The following CLGN variants were observed in gnomAD, a reference collection of about 807,000 sequenced individuals.
CLGN encodes the protein calmegin.
Under a neutral mutation model 79.1 loss-of-function variants are expected in CLGN, and 62 were observed. The observed-to-expected ratio is 0.78, with a 90% CI of 0.64 to 0.97. The LOEUF is 0.97. CLGN is among the 50% of genes least tolerant of loss of function. The pLI, the probability that CLGN is intolerant of heterozygous loss-of-function variation, is 0.00. For synonymous variants in CLGN, 225 were observed against 224.7 expected, an observed-to-expected ratio of 1.00 and a Z score of -0.01; for missense variants, 647 against 715.5, an observed-to-expected ratio of 0.90 and a Z score of 1.09.
chr4:140,420,340 C>T (rs1428084800), intron 1 of CLGN, among the ~76,000 whole-genome samples: 2 of 152,072 alleles, frequency 1.3e-5, no homozygotes, highest in African/African-American at 4.8e-5. Context: ...TCAGAAAACA[C>T]TTTATCTTGA....
At chr4:140,402,968 TGAA>T (rs912266023) in intron 5 of CLGN, among the ~76,000 whole-genome samples, 3 of 152,180 alleles carry the variant, frequency 2.0e-5, no homozygotes, top group African/African-American at 7.2e-5. Context: ...TAAATGTTTC[TGAA>T]GAAATTTAGT....
chr4:140,402,303 A>C (rs1729015284), intron 5 of CLGN, among the ~76,000 whole-genome samples: 1 of 152,074 alleles, frequency 6.6e-6, no homozygotes, highest in Non-Finnish European at 1.5e-5. Flanking sequence ...AACTGCAGAC[A>C]AACCAATCAA....
intron 1 of CLGN, among the ~76,000 whole-genome samples, chr4:140,424,802 C>A (rs1392896357): frequency 6.6e-6 from 1 of 152,186 alleles, no homozygotes; most frequent in South Asian, 2.1e-4. Flanking sequence ...CAACACGTAT[C>A]TTTGATCTCA....
intron 8 of CLGN, among the ~76,000 whole-genome samples, chr4:140,397,462 T>C (rs1039600189): frequency 5.9e-5 from 9 of 152,082 alleles, no homozygotes; most frequent in East Asian, 3.8e-4. Context: ...AGGGAGGTTT[T>C]TTTTTTTGCA....
rs767299673 is a variant in CLGN at position 140,404,645 on chromosome 4, C to CT, written c.419+1296dup. Among the ~76,000 whole-genome samples the CT allele has an allele frequency of 4.2e-3, 638 of 150,288 alleles. 6 individuals are homozygous for CT. The highest frequency in any genetic ancestry group is 0.013 in the African/African-American group (530 of 40,718). ...AGACTGCTATTCAATTCTTGGTCCT[C>CT]TTTTTTTTTCTTTCTTTCTTTTTTT... On this transcript the variant is annotated intron_variant, in intron 5 of 14. Coordinates refer to ENST00000325617, the MANE Select transcript of CLGN (RefSeq NM_004362.3).
At chr4:140,390,437 C>T (rs1728751118) in intron 14 of CLGN, among the ~76,000 whole-genome samples, 191 bp downstream of exon 14, 1 of 151,662 alleles carries the variant, frequency 6.6e-6, no homozygotes. Context: ...TTTTACTAGG[C>T]ATTGAGACAA....
chr4:140,403,785 AATGATTC>A (rs1729041407), intron 5 of CLGN, among the ~76,000 whole-genome samples: 1 of 152,198 alleles, frequency 6.6e-6, no homozygotes, highest in African/African-American at 2.4e-5. Context: ...ACCTAGTATA[AATGATTC>A]ACAATGGATT....
intron 14 of CLGN, 143 bp downstream of exon 14, chr4:140,390,485 A>G (rs1368658793): frequency 9.0e-6 from 4 of 446,308 alleles, no homozygotes; most frequent in Admixed American, 4.1e-5. Flanking sequence ...CCTTATGGAT[A>G]TGTTTTAAAA....
intron 4 of CLGN, among the ~76,000 whole-genome samples, chr4:140,407,949 A>G (rs1729139159): frequency 6.6e-6 from 1 of 152,148 alleles, no homozygotes; most frequent in Admixed American, 6.5e-5. Context: ...GGGCCATACT[A>G]TCAAAACAGC....
At chr4:140,420,660 A>G (rs2126634547) in intron 1 of CLGN, among the ~76,000 whole-genome samples, 1 of 152,240 alleles carries the variant, frequency 6.6e-6, no homozygotes, top group East Asian at 1.9e-4. Context: ...TAGATACTGA[A>G]GTTCACAGTC....
intron 8 of CLGN, among the ~76,000 whole-genome samples, chr4:140,397,942 T>C (rs977185242): frequency 1.3e-5 from 2 of 152,016 alleles, no homozygotes; most frequent in Non-Finnish European, 1.5e-5. Flanking sequence ...CTTAGTAAAT[T>C]CTGAAGTATA....
At chr4:140,392,134 T>C (rs1728783855) in intron 13 of CLGN, 85 bp downstream of exon 13, 2 of 1,413,486 alleles carry the variant, frequency 1.4e-6, no homozygotes, top group South Asian at 1.4e-5. Flanking sequence ...AATAAACAAG[T>C]ATAATAACTA....
At chr4:140,427,366 C>T (rs763910419) in intron 1 of CLGN, among the ~76,000 whole-genome samples, 171 bp downstream of exon 1, 11 of 152,366 alleles carry the variant, frequency 7.2e-5, no homozygotes, top group Non-Finnish European at 1.5e-4. Context: ...TAGCTCGCTG[C>T]AGCCCCATCG....
intron 4 of CLGN, 32 bp from the exon 5 acceptor site, chr4:140,406,115 A>AAC (rs768688655): frequency 6.3e-7 from 1 of 1,597,174 alleles, no homozygotes. Flanking sequence ...ATTAAACTAA[A>AAC]ACAGAAAACA....
rs945818021 is a variant in CLGN, at chr4:140,411,548, T to C, written c.145-922A>G. ...ATCTGTATGATTAGTGAGATTAGATTGTATCTGTATGATTAGTGAGATTTC... is the reference window on the plus strand; with the variant it reads ...ATCTGTATGATTAGTGAGATTAGATCGTATCTGTATGATTAGTGAGATTTC... On this transcript the variant is annotated intron_variant, in intron 2 of 14. Transcript: ENST00000325617. 1.6e-4 allele frequency among the ~76,000 whole-genome samples: 24 copies of C among 152,122 alleles called. 1 individual carries two copies. The highest frequency in any genetic ancestry group is 5.5e-4 in the African/African-American group (23 of 41,452).
At chr4:140,390,541 T>G in intron 14 of CLGN, 87 bp downstream of exon 14, 1 of 826,610 alleles carries the variant, frequency 1.2e-6, no homozygotes, top group Non-Finnish European at 1.8e-6. Context: ...ATGGCAAAAA[T>G]TCTTTCATAA....
intron 1 of CLGN, among the ~76,000 whole-genome samples, chr4:140,424,938 T>C (rs564741227): frequency 5.3e-5 from 8 of 152,316 alleles, no homozygotes; most frequent in South Asian, 2.1e-4. Flanking sequence ...TGGTCTACTT[T>C]AAATAATTAC....
At chr4:140,424,287 T>G (rs2126636441) in intron 1 of CLGN, among the ~76,000 whole-genome samples, 1 of 152,328 alleles carries the variant, frequency 6.6e-6, no homozygotes, top group African/African-American at 2.4e-5. Context: ...AAGAGTGTGC[T>G]GTTTAATTTC....
chr4:140,421,870 A>G (rs556162924), intron 1 of CLGN, among the ~76,000 whole-genome samples: 2 of 152,150 alleles, frequency 1.3e-5, no homozygotes, highest in East Asian at 3.9e-4. Flanking sequence ...GGCAAATTCA[A>G]TGTCATGAAG....
Sources: gnomAD v4.1 joint callset for allele counts (sites outside exome capture counted in the v4.1 genomes callset) on GRCh38, gnomAD v4.1.1 for gene constraint, MANE v1.5 for transcripts, NCBI Gene and HGNC (gene_info 2026-07-23, HGNC 2026-07-21) for gene names.